Variants in BRPF1 observed in about 807,000 individuals in gnomAD.
BRPF1 encodes the protein bromodomain and PHD finger containing 1.
A neutral mutation model predicts 115.0 loss-of-function variants in BRPF1; 15 were observed. The observed-to-expected ratio is 0.13, with a 90% CI of 0.09 to 0.20. The LOEUF is 0.20. Among genes scored for constraint, BRPF1 ranks in the 10% least tolerant of loss-of-function variants. The probability of loss-of-function intolerance (pLI) is 1.00; values close to 1 mark genes in which losing one functional copy is unlikely to be tolerated. For missense variants in BRPF1, 1,118 were observed against 1,638.3 expected, an observed-to-expected ratio of 0.68 and a Z score of 5.48; for synonymous variants, 647 against 619.8, an observed-to-expected ratio of 1.04 and a Z score of -0.65.
Position 9,734,116 on chromosome 3 carries a change from A to T in BRPF1, c.-10-15A>T. 1 of 1,564,498 alleles carries T rather than the reference A, an allele frequency of 6.4e-7. No individual in the cohort carries two copies. The highest frequency in any genetic ancestry group is 1.7e-4 in the Middle Eastern group (1 of 5,796). ...CTCATCCCCAGCCTTATGTTAACTGATCTGTGTATTCTAGATGTGACAGCA... is the reference window on the plus strand; with the variant it reads ...CTCATCCCCAGCCTTATGTTAACTGTTCTGTGTATTCTAGATGTGACAGCA... On this transcript the variant is annotated splice_polypyrimidine_tract_variant and intron_variant, in intron 1 of 13. Coordinates refer to ENST00000383829, the MANE Select transcript of BRPF1 (RefSeq NM_001003694.2). The surrounding 1 kb of genome is among the most constrained non-coding windows in gnomAD (Gnocchi z 5.7).
rs1034031035 is a variant in BRPF1 at position 9,742,079 on chromosome 3, C to T, written c.1909C>T (p.Leu637Phe). Residue 637 changes from leucine to phenylalanine, a missense_variant, in exon 6 of 14, where the codon CTT becomes TTT. Leu to Phe is a conservative substitution (Grantham distance 22). Transcript: ENST00000383829. ...EMQLTPFLILLRKTLEQLQEK... is the reference protein window; with the variant it reads ...EMQLTPFLILFRKTLEQLQEK... ...GCAGCTGACTCCTTTCCTCATCCTC[C>T]TTCGCAAAACCTTGGAGCAGCTCCA... The T allele has an allele frequency of 1.2e-6, 2 of 1,614,224 alleles. No homozygotes were observed. Among genetic ancestry groups the T allele is most frequent in the African/African-American group, 1.3e-5 (1 of 75,058 alleles).
chr3:9,734,311 A>C lies in BRPF1; in HGVS notation c.171A>C (p.Pro57=), dbSNP rs764931481. The C allele has an allele frequency of 1.7e-5, 28 of 1,613,446 alleles. No homozygotes were observed. Among genetic ancestry groups the C allele is most frequent in the Non-Finnish European group, 2.2e-5 (26 of 1,179,966 alleles). The change falls in exon 2 of 14, where the codon CCA becomes CCC. Residue 57 remains proline (P), a synonymous_variant. Transcript: ENST00000383829. This position sits in a 1 kb window ranked among gnomAD's most constrained non-coding sequence, Gnocchi z 5.7. ...HDNPPPPQQT[P]LRKHKKKGRQ... ...ACCCACCACCCCCACAACAAACTCC[A>C]CTCCGCAAGCACAAGAAAAAGGGGC...
chr3:9,741,810 G>A (rs2077036787), intron 5 of BRPF1, among the ~76,000 whole-genome samples: 2 of 152,176 alleles, frequency 1.3e-5, no homozygotes, highest in African/African-American at 4.8e-5. Flanking sequence ...TGTGACATAG[G>A]TAGCTGGTGC....
Position 9,743,720 on chromosome 3 carries a change from C to A in BRPF1, c.2454C>A (p.Ile818=). 1 of 1,614,168 alleles carries A rather than the reference C, an allele frequency of 6.2e-7. No individual in the cohort carries two copies. The highest frequency in any genetic ancestry group is 8.5e-7 in the Non-Finnish European group (1 of 1,180,036). The stretch of plus-strand genomic sequence containing the variant: ...GCCGCTCACGGCGTGCAAAGATGAT[C>A]AAGAAAGAGATGACGGCACTGCGGC... ...SVGRSRRAKM[I]KKEMTALRRK... Residue 818 remains isoleucine (I), a synonymous_variant, in exon 8 of 14, where the codon ATC becomes ATA. Transcript: ENST00000383829. This position sits in a 1 kb window ranked among gnomAD's most constrained non-coding sequence, Gnocchi z 6.1.
chr3:9,745,767 G>A lies in BRPF1; in HGVS notation c.3206-45G>A. 6.2e-7 allele frequency: 1 copy of A among 1,610,750 alleles called. No homozygotes were observed. Among genetic ancestry groups the A allele is most frequent in the Non-Finnish European group, 8.5e-7 (1 of 1,177,214 alleles). The stretch of plus-strand genomic sequence containing the variant: ...GGGACCCAGTGTCAGGGTCTCGCCA[G>A]CCCCCCAGCTGCTGATCCACCCCCT... On this transcript the variant is annotated intron_variant, in intron 11 of 13. Coordinates refer to ENST00000383829, the MANE Select transcript of BRPF1 (RefSeq NM_001003694.2). The surrounding 1 kb of genome is among the most constrained non-coding windows in gnomAD (Gnocchi z 5.1).
Position 9,739,563 on chromosome 3 carries a change from T to A in BRPF1, c.1164T>A (p.Ile388=), listed in dbSNP as rs752392969. 1.2e-6 allele frequency: 2 copies of A among 1,612,970 alleles called. No homozygotes were observed. The highest frequency in any genetic ancestry group is 1.7e-6 in the Non-Finnish European group (2 of 1,179,050). ...PPARWKLTCY[I]CKQRGSGACI... is the part of the protein sequence containing the mutation. ...CTCGCTGGAAGCTCACCTGCTACATTTGCAAACAACGGGGCTCAGGGGCCT... is the reference window on the plus strand; with the variant it reads ...CTCGCTGGAAGCTCACCTGCTACATATGCAAACAACGGGGCTCAGGGGCCT... Residue 388 remains isoleucine, a synonymous_variant, in exon 3 of 14, where the codon ATT becomes ATA. Transcript: ENST00000383829.
Position 9,734,518 on chromosome 3 carries a change from CGAGGAGGCCCCT to C in BRPF1, c.382_393del (p.Glu128_Glu131del), listed in dbSNP as rs2076908020. ...TGGTGTCAGAGGATGAGGAAGCCCC[CGAGGAGGCCCCT>C]GAGAATGGCAGCAACAAGGAGAACA... On this transcript the variant is annotated inframe_deletion, in exon 2 of 14. Transcript: ENST00000383829. This position sits in a 1 kb window ranked among gnomAD's most constrained non-coding sequence, Gnocchi z 5.7. 1 of 1,613,936 alleles carries C rather than the reference CGAGGAGGCCCCT, an allele frequency of 6.2e-7. No homozygotes were observed. Among genetic ancestry groups the C allele is most frequent in the African/African-American group, 1.3e-5 (1 of 74,876 alleles).
chr3:9,735,206 T>A (rs902567882), intron 2 of BRPF1, among the ~76,000 whole-genome samples: 4 of 151,868 alleles, frequency 2.6e-5, no homozygotes, highest in African/African-American at 9.7e-5. Context: ...AGAGATGGGG[T>A]TTCACCATGT....
chr3:9,736,829 G>T (rs900887659), intron 2 of BRPF1, among the ~76,000 whole-genome samples: 3 of 152,190 alleles, frequency 2.0e-5, no homozygotes, highest in African/African-American at 7.2e-5. Context: ...ACTTTCTCTT[G>T]CTTGCATTCT....
chr3:9,739,740 C>T lies in BRPF1; in HGVS notation c.1341C>T (p.His447=), dbSNP rs1324318395. The T allele has an allele frequency of 3.1e-6, 5 of 1,614,204 alleles. No homozygotes were observed. Among genetic ancestry groups the T allele is most frequent in the Non-Finnish European group, 4.2e-6 (5 of 1,179,990 alleles). ...SVRKTAYCDI[H]TPPGSARRLP... is the part of the protein sequence containing the mutation. The stretch of plus-strand genomic sequence containing the variant: ...GCAAGACAGCCTACTGCGACATCCA[C>T]ACGCCTCCAGGTTCAGCACGCCGAC... The change falls in exon 3 of 14, where the codon CAC becomes CAT. Residue 447 remains histidine (H), a synonymous_variant. Transcript: ENST00000383829.
chr3:9,747,429 C>A lies in BRPF1; in HGVS notation c.*80C>A. On this transcript the variant is annotated 3_prime_UTR_variant, in exon 14 of 14. Coordinates refer to ENST00000383829, the MANE Select transcript of BRPF1 (RefSeq NM_001003694.2). The surrounding 1 kb of genome is among the most constrained non-coding windows in gnomAD (Gnocchi z 5.6). ...GCTCACTGTCCTGGAGTGGCACCGGCCTCTGCACTGACTCATTTCTGGTCT... is the reference window on the plus strand; with the variant it reads ...GCTCACTGTCCTGGAGTGGCACCGGACTCTGCACTGACTCATTTCTGGTCT... 1 of 1,524,086 alleles carries A rather than the reference C, an allele frequency of 6.6e-7. No homozygotes were observed. The highest frequency in any genetic ancestry group is 8.9e-7 in the Non-Finnish European group (1 of 1,117,358). The allele number at this position is 1,524,086 out of a possible 1,614,324, so 94.4% of individuals were successfully genotyped here.
At chr3:9,737,747 C>T (rs540419796) in intron 2 of BRPF1, among the ~76,000 whole-genome samples, 1 of 152,200 alleles carries the variant, frequency 6.6e-6, no homozygotes, top group African/African-American at 2.4e-5. Flanking sequence ...GGTTAGGTGG[C>T]ATTTTACACC....
At chr3:9,738,255 T>C (rs1215970599) in intron 2 of BRPF1, among the ~76,000 whole-genome samples, 1 of 152,222 alleles carries the variant, frequency 6.6e-6, no homozygotes, top group Admixed American at 6.5e-5. Context: ...GTGACCTATC[T>C]ATGTTTTGAT....
Position 9,739,121 on chromosome 3 carries a change from C to A in BRPF1, c.722C>A (p.Pro241Gln), listed in dbSNP as rs369506759. 1.9e-6 allele frequency: 3 copies of A among 1,613,982 alleles called. No homozygotes were observed. Among genetic ancestry groups the A allele is most frequent in the African/African-American group, 2.7e-5 (2 of 75,002 alleles). Residue 241 changes from proline (P) to glutamine (Q), a missense_variant, in exon 3 of 14, where the codon CCG becomes CAG. Transcript: ENST00000383829. ...RRKTEGVSPIPQEIFEYLMDR... is the reference protein window; with the variant it reads ...RRKTEGVSPIQQEIFEYLMDR... ...AAGACAGAGGGTGTAAGTCCCATCC[C>A]GCAGGAGATCTTTGAGTACCTAATG...
rs2077149390 is a variant in BRPF1, at chr3:9,747,562, G to GGGA, written c.*216_*218dup. 3 of 506,172 alleles carry GGGA rather than the reference G, an allele frequency of 5.9e-6. No homozygotes were observed. The highest frequency in any genetic ancestry group is 1.0e-5 in the Non-Finnish European group (3 of 289,634). 31.4% of individuals were successfully genotyped at this position (506,172 alleles called of 1,614,324 possible). ...CCAATGGCAGTTCAGCGCAAGGAGA[G>GGGA]GGAGGGCCCACAGGTCAGAAAAAGC... On this transcript the variant is annotated 3_prime_UTR_variant, in exon 14 of 14. Transcript: ENST00000383829. This position sits in a 1 kb window ranked among gnomAD's most constrained non-coding sequence, Gnocchi z 5.6.
chr3:9,747,082 G>A lies in BRPF1; in HGVS notation c.3480-84G>A. On this transcript the variant is annotated intron_variant, in intron 13 of 13. Transcript: ENST00000383829. The surrounding 1 kb of genome is among the most constrained non-coding windows in gnomAD (Gnocchi z 5.6). The stretch of plus-strand genomic sequence containing the variant: ...GAGTCTGGCCAGAGTGGGTGCTTGG[G>A]TGGTGTGTTTGAGTGAATAGAGGAG... 1 of 1,481,886 alleles carries A rather than the reference G, an allele frequency of 6.7e-7. No individual in the cohort carries two copies. The highest frequency in any genetic ancestry group is 2.3e-5 in the East Asian group (1 of 44,088). The allele number at this position is 1,481,886 out of a possible 1,614,324, so 91.8% of individuals were successfully genotyped here. A position where few individuals can be genotyped will look rare whatever the true frequency, so the allele number is the denominator to read the frequency against.
chr3:9,745,637 A>G lies in BRPF1; in HGVS notation c.3133A>G (p.Ser1045Gly). The G allele has an allele frequency of 6.2e-7, 1 of 1,614,250 alleles. No individual in the cohort carries two copies. Among genetic ancestry groups the G allele is most frequent in the Non-Finnish European group, 8.5e-7 (1 of 1,180,034 alleles). Residue 1045 changes from serine (S) to glycine (G), a missense_variant, in exon 11 of 14, where the codon AGC becomes GGC. Physicochemically the swap from Ser to Gly is moderately conservative, Grantham distance 56 (BLOSUM62 0). Coordinates refer to ENST00000383829, the MANE Select transcript of BRPF1 (RefSeq NM_001003694.2). This position sits in a 1 kb window ranked among gnomAD's most constrained non-coding sequence, Gnocchi z 5.1. The stretch of plus-strand genomic sequence containing the variant: ...CTCTCGGGGCACTTTCCCAGAGGAC[A>G]GCAGTGAGGATACCTCAGGCACTGA... ...SFSRGTFPEDSSEDTSGTENE... is the reference protein window; with the variant it reads ...SFSRGTFPEDGSEDTSGTENE...
chr3:9,741,534 G>C (rs1167602843), intron 5 of BRPF1, 95 bp downstream of exon 5: 2 of 1,298,152 alleles, frequency 1.5e-6, no homozygotes, highest in Non-Finnish European at 2.0e-6. Flanking sequence ...CTACTCGGGA[G>C]GCTGAGGCAG....
Position 9,744,051 on chromosome 3 carries a change from T to C in BRPF1, c.2635+150T>C, listed in dbSNP as rs2077079461. On this transcript the variant is annotated intron_variant, in intron 8 of 13. Coordinates refer to ENST00000383829, the MANE Select transcript of BRPF1 (RefSeq NM_001003694.2). Reference sequence around the variant, plus strand: ...ATTCCCCAATCAGGGGCCTCTTAGCTGCCTCTCTGGCTATTTGTATAAGAG... The same window carrying C: ...ATTCCCCAATCAGGGGCCTCTTAGCCGCCTCTCTGGCTATTTGTATAAGAG... 4 of 1,305,258 alleles carry C rather than the reference T, an allele frequency of 3.1e-6. No individual in the cohort carries two copies. The Admixed American group carries it at 7.1e-5, about 23-fold the overall frequency. 80.9% of individuals were successfully genotyped at this position (1,305,258 alleles called of 1,614,324 possible).
Sources: allele counts gnomAD v4.1 joint callset (sites outside exome capture counted in the v4.1 genomes callset), GRCh38; gene constraint gnomAD v4.1.1; non-coding constraint Gnocchi (gnomAD v3.1); transcripts MANE v1.5; gene names NCBI Gene and HGNC (gene_info 2026-07-23, HGNC 2026-07-21).